MVB12B: variants seen among roughly 807,000 people sequenced by gnomAD.
MVB12B encodes multivesicular body subunit 12B.
Under a neutral mutation model 41.6 loss-of-function variants are expected in MVB12B, and 16 were observed. That is an observed-to-expected ratio of 0.38 (90% CI 0.26 to 0.58). MVB12B has a LOEUF of 0.58. Among genes scored for constraint, MVB12B ranks in the 20% least tolerant of loss-of-function variants. MVB12B has a pLI of 0.62. For missense variants in MVB12B, 274 were observed against 380.2 expected (o/e 0.72, Z 2.32); for synonymous variants, 133 against 139.7 (o/e 0.95, Z 0.34).
chr9:126,474,802 A>T (rs1833388987), intron 7 of MVB12B, among the ~76,000 whole-genome samples: 1 of 152,162 alleles, frequency 6.6e-6, no homozygotes, highest in South Asian at 2.1e-4. Context: ...GGGCCATCGA[A>T]CCTGATGGCT....
At chr9:126,378,329 T>C (rs954298846) in intron 2 of MVB12B, among the ~76,000 whole-genome samples, 1 of 152,206 alleles carries the variant, frequency 6.6e-6, no homozygotes, top group Admixed American at 6.5e-5. Context: ...TGACTTGGGA[T>C]GGGAAGAATT....
intron 6 of MVB12B, among the ~76,000 whole-genome samples, chr9:126,417,723 A>G (rs1029243411): frequency 6.6e-6 from 1 of 152,206 alleles, no homozygotes; most frequent in Non-Finnish European, 1.5e-5. Context: ...GGAGGTCACA[A>G]TCACATTAGG....
intron 9 of MVB12B, among the ~76,000 whole-genome samples, chr9:126,499,246 GGGACCCCTGGCAGAGCCTCCA>G (rs1333248374): frequency 2.0e-4 from 31 of 152,100 alleles, no homozygotes; most frequent in Non-Finnish European, 2.9e-4. Context: ...CAGGGTCCCC[GGGACCCCTGGCAGAGCCTCCA>G]GGACCCCTGG....
intron 1 of MVB12B, chr9:126,327,328 G>T: frequency 1.0e-6 from 1 of 985,326 alleles, no homozygotes. Context: ...CTCTGCCCGC[G>T]TGAGAGGGAG....
intron 7 of MVB12B, among the ~76,000 whole-genome samples, chr9:126,464,908 T>C (rs1376288177): frequency 3.3e-5 from 5 of 152,222 alleles, no homozygotes; most frequent in Admixed American, 6.5e-5. Context: ...GTGAGGTTTA[T>C]ACGAGAACAC....
intron 7 of MVB12B, among the ~76,000 whole-genome samples, chr9:126,440,314 C>T (rs935348871): frequency 2.0e-5 from 3 of 152,184 alleles, no homozygotes. Flanking sequence ...ATTTGAGAGG[C>T]GCTGATAGCC....
intron 6 of MVB12B, chr9:126,397,609 TC>T: frequency 1.7e-5 from 17 of 985,422 alleles, no homozygotes; most frequent in Non-Finnish European, 2.0e-5. Context: ...CATTAGTGCT[TC>T]CAAGTAAAAG....
chr9:126,482,923 G>C (rs1006557341), intron 8 of MVB12B, among the ~76,000 whole-genome samples: 8 of 152,266 alleles, frequency 5.3e-5, no homozygotes, highest in African/African-American at 9.6e-5. Context: ...TAATGGACGA[G>C]GGAATGAGGA....
intron 9 of MVB12B, among the ~76,000 whole-genome samples, chr9:126,495,625 G>A (rs1423017872): frequency 1.3e-5 from 2 of 151,920 alleles, no homozygotes; most frequent in Non-Finnish European, 2.9e-5. Flanking sequence ...GGAGTGCGGG[G>A]TACTGTGGCA....
intron 6 of MVB12B, among the ~76,000 whole-genome samples, chr9:126,418,198 C>G (rs765978866): frequency 1.3e-5 from 2 of 151,800 alleles, no homozygotes; most frequent in Non-Finnish European, 2.9e-5. Context: ...AGAATCATCT[C>G]CAACGAGGGA....
chr9:126,368,590 T>C (rs1210412439), intron 2 of MVB12B, among the ~76,000 whole-genome samples: 1 of 152,214 alleles, frequency 6.6e-6, no homozygotes, highest in East Asian at 1.9e-4. Flanking sequence ...ATCTAAATCA[T>C]GTAGAATTCT....
At chr9:126,382,809 G>A (rs79984753) in intron 3 of MVB12B, among the ~76,000 whole-genome samples, 6,781 of 152,306 alleles carry the variant, frequency 0.045, 182 homozygotes, top group Middle Eastern at 0.075. Flanking sequence ...GACAGTGACA[G>A]GCCTGAATGT....
intron 9 of MVB12B, among the ~76,000 whole-genome samples, chr9:126,489,325 G>A (rs965450246): frequency 6.6e-6 from 1 of 152,220 alleles, no homozygotes; most frequent in Non-Finnish European, 1.5e-5. Context: ...TGGAACACAG[G>A]CCTGCTCATC....
At chr9:126,406,382 G>C (rs1235623961) in intron 6 of MVB12B, among the ~76,000 whole-genome samples, 4 of 152,238 alleles carry the variant, frequency 2.6e-5, no homozygotes, top group Non-Finnish European at 5.9e-5. Context: ...ATTGGGCAGG[G>C]AGGAGACAAG....
Position 126,503,235 on chromosome 9 carries a change from C to T in MVB12B, c.932C>T (p.Thr311Ile), listed in dbSNP as rs987416431. The change falls in exon 10 of 10, where the codon ACC (threonine) becomes ATC (isoleucine). Residue 311 changes from threonine to isoleucine, a missense_variant. Physicochemically the swap from Thr to Ile is moderately conservative, Grantham distance 89. Transcript: ENST00000361171. ...SAAARLPPSPTRCQQIPQS is the reference protein window; with the variant it reads ...SAAARLPPSPIRCQQIPQS ...GCCGCCAGGCTCCCGCCCAGCCCCACCAGGTGTCAGCAGATCCCGCAGTCC... is the reference window on the plus strand; with the variant it reads ...GCCGCCAGGCTCCCGCCCAGCCCCATCAGGTGTCAGCAGATCCCGCAGTCC... The T allele has an allele frequency of 2.6e-6, 4 of 1,550,508 alleles. No individual in the cohort carries two copies. In the South Asian group the frequency reaches 4.8e-5, roughly 18 times the overall value.
In MVB12B at chr9:126,386,910, G is replaced by A. The variant is rs1231308966; in HGVS notation, c.409+252G>A. On this transcript the variant is annotated intron_variant, in intron 4 of 9. Coordinates refer to ENST00000361171, the MANE Select transcript of MVB12B (RefSeq NM_033446.3). The surrounding 1 kb of genome is among the most constrained non-coding windows in gnomAD (Gnocchi z 4.3). Reference sequence around the variant, plus strand: ...TTAGAATGGTGCTCCCTGCTGAATCGGCTCACTGGGGAATGGAATGGTGAA... The same window carrying A: ...TTAGAATGGTGCTCCCTGCTGAATCAGCTCACTGGGGAATGGAATGGTGAA... Among the ~76,000 whole-genome samples the A allele has an allele frequency of 2.0e-5, 3 of 151,966 alleles. No homozygotes were observed. Among genetic ancestry groups the A allele is most frequent in the Non-Finnish European group, 2.9e-5 (2 of 68,004 alleles).
chr9:126,397,260 A>C, intron 6 of MVB12B: 1 of 985,400 alleles, frequency 1.0e-6, no homozygotes, highest in Middle Eastern at 5.2e-4. Context: ...TGGTTAAAGA[A>C]AGAACACCAG....
intron 9 of MVB12B, among the ~76,000 whole-genome samples, chr9:126,487,969 G>A (rs1281802742): frequency 1.3e-5 from 2 of 152,188 alleles, no homozygotes; most frequent in Non-Finnish European, 2.9e-5. Flanking sequence ...CCAGCCATTG[G>A]CATGCACAGC....
chr9:126,431,539 T>C (rs948390556), intron 7 of MVB12B, among the ~76,000 whole-genome samples: 2 of 152,106 alleles, frequency 1.3e-5, no homozygotes, highest in African/African-American at 4.8e-5. Context: ...TCATGAAAAA[T>C]AAAAATATTA....
Sources: allele counts gnomAD v4.1 joint callset (sites outside exome capture counted in the v4.1 genomes callset), GRCh38; gene constraint gnomAD v4.1.1; non-coding constraint Gnocchi (gnomAD v3.1); transcripts MANE v1.5; gene names NCBI Gene and HGNC (gene_info 2026-07-23, HGNC 2026-07-21).